Variants in ANAPC10 observed in about 807,000 individuals in gnomAD.
ANAPC10 encodes the protein anaphase-promoting complex subunit 10.
ANAPC10 carries 12 observed loss-of-function variants against 22.0 expected under a neutral mutation model. The observed-to-expected ratio is 0.55, with a 90% CI of 0.35 to 0.88. The LOEUF (loss-of-function observed/expected upper bound fraction) is 0.88, where lower values mean the gene tolerates loss of function less well. Ranked by LOEUF, ANAPC10 falls within the 40% of genes least tolerant of loss-of-function variation. The probability of loss-of-function intolerance (pLI) is 0.01; values close to 1 mark genes in which losing one functional copy is unlikely to be tolerated. For missense variants in ANAPC10, 188 were observed against 220.9 expected (o/e 0.85, Z 0.94); for synonymous variants, 65 against 69.5 (o/e 0.94, Z 0.32).
intron 4 of ANAPC10, among the ~76,000 whole-genome samples, chr4:145,020,117 G>C (rs939003870): frequency 2.0e-5 from 3 of 151,946 alleles, no homozygotes; most frequent in Non-Finnish European, 4.4e-5. Context: ...CCAAAACCAG[G>C]AAAGGACATA....
At chr4:145,006,837 C>G (rs1165101806) in intron 4 of ANAPC10, among the ~76,000 whole-genome samples, 1 of 151,814 alleles carries the variant, frequency 6.6e-6, no homozygotes, top group African/African-American at 2.4e-5. Context: ...TTCAGGTATT[C>G]CTCCCACCTC....
rs116600213 is a variant in ANAPC10, at chr4:145,003,624, C to T, written c.328-8021G>A. 5.3e-5 allele frequency among the ~76,000 whole-genome samples: 8 copies of T among 152,262 alleles called. No homozygotes were observed. In the East Asian group the frequency reaches 5.8e-4, roughly 11 times the overall value. ...TCCTTCCCCCATTGCTTGTTTTTGT[C>T]GACTTCGTTGAAGATCAGATGGTTG... On this transcript the variant is annotated intron_variant, in intron 4 of 4. Coordinates refer to ENST00000507656, the MANE Select transcript of ANAPC10 (RefSeq NM_001256706.2).
At chr4:145,077,185 C>G (rs1745325464) in intron 3 of ANAPC10, among the ~76,000 whole-genome samples, 1 of 151,746 alleles carries the variant, frequency 6.6e-6, no homozygotes, top group African/African-American at 2.4e-5. Flanking sequence ...GGCGACAGAG[C>G]AAGACTCTGT....
At chr4:145,030,588 C>G (rs1428688874) in intron 4 of ANAPC10, among the ~76,000 whole-genome samples, 1 of 152,164 alleles carries the variant, frequency 6.6e-6, no homozygotes, top group East Asian at 1.9e-4. Flanking sequence ...TTAGGTCTGA[C>G]TTACACTGGG....
chr4:145,043,710 C>T (rs576314468), intron 4 of ANAPC10, among the ~76,000 whole-genome samples: 12 of 151,934 alleles, frequency 7.9e-5, no homozygotes, highest in Non-Finnish European at 1.6e-4. Flanking sequence ...ATGTCTTTTA[C>T]AAAAAGAAAA....
intron 4 of ANAPC10, 68 bp from the exon 5 acceptor site, chr4:144,995,671 T>C: frequency 3.0e-6 from 3 of 1,014,560 alleles, no homozygotes; most frequent in Non-Finnish European, 2.9e-6. Context: ...ATGAATGCAT[T>C]CTATAATAAA....
intron 1 of ANAPC10, chr4:145,097,587 C>A (rs1054839629): frequency 2.4e-6 from 3 of 1,264,988 alleles, no homozygotes; most frequent in Non-Finnish European, 3.1e-6. Context: ...ACACAACGGA[C>A]TGTAAACTTT....
At chr4:145,037,070 T>C (rs1738691065) in intron 4 of ANAPC10, among the ~76,000 whole-genome samples, 1 of 149,636 alleles carries the variant, frequency 6.7e-6, no homozygotes, top group Non-Finnish European at 1.5e-5. Context: ...GTGTGTTTTA[T>C]GGACTCTGGA....
At chr4:145,015,264 A>G (rs1185750439) in intron 4 of ANAPC10, among the ~76,000 whole-genome samples, 1 of 152,046 alleles carries the variant, frequency 6.6e-6, no homozygotes, top group Non-Finnish European at 1.5e-5. Context: ...TTCAGGACGC[A>G]TTGGATATAC....
At chr4:145,060,658 A>G (rs1174416897) in intron 4 of ANAPC10, among the ~76,000 whole-genome samples, 1 of 152,058 alleles carries the variant, frequency 6.6e-6, no homozygotes, top group Admixed American at 6.6e-5. Context: ...ACGGAAAAAT[A>G]AAAAAGATTT....
intron 4 of ANAPC10, among the ~76,000 whole-genome samples, chr4:145,019,420 A>G (rs971570444): frequency 6.6e-6 from 1 of 152,148 alleles, no homozygotes. Flanking sequence ...GACAATCTAT[A>G]AAAACCTGTG....
chr4:145,062,422 A>G (rs967701649), intron 4 of ANAPC10, among the ~76,000 whole-genome samples: 2 of 151,928 alleles, frequency 1.3e-5, no homozygotes, highest in African/African-American at 4.8e-5. Flanking sequence ...CCTGGCCAAA[A>G]CAGCGAAACT....
At chr4:145,026,679 G>A (rs1736702764) in intron 4 of ANAPC10, among the ~76,000 whole-genome samples, 1 of 150,268 alleles carries the variant, frequency 6.7e-6, no homozygotes, top group Admixed American at 6.7e-5. Context: ...TAAGAAACAA[G>A]ACAAAATAAG....
chr4:145,018,781 G>A (rs1402548898), intron 4 of ANAPC10, among the ~76,000 whole-genome samples: 1 of 152,072 alleles, frequency 6.6e-6, no homozygotes, highest in Non-Finnish European at 1.5e-5. Flanking sequence ...GACACCAAAA[G>A]TGAGCAGGGG....
At chr4:145,075,864 T>C (rs1388694507) in intron 3 of ANAPC10, among the ~76,000 whole-genome samples, 1 of 152,184 alleles carries the variant, frequency 6.6e-6, no homozygotes, top group East Asian at 1.9e-4. Context: ...CAGGGATGCC[T>C]GTCCCTTAAG....
At chr4:145,087,065 T>C (rs1321484096) in intron 2 of ANAPC10, among the ~76,000 whole-genome samples, 1 of 151,930 alleles carries the variant, frequency 6.6e-6, no homozygotes, top group Non-Finnish European at 1.5e-5. Context: ...CTTGGTCTTC[T>C]GAATGCTCTG....
intron 1 of ANAPC10, 165 bp downstream of exon 1, chr4:145,097,955 G>C (rs1050329927): frequency 5.1e-6 from 1 of 195,924 alleles, no homozygotes; most frequent in African/African-American, 2.4e-5. Flanking sequence ...ACCAGACTCT[G>C]TTGGTCCTAC....
At chr4:145,011,571 T>C (rs527968509) in intron 4 of ANAPC10, among the ~76,000 whole-genome samples, 1 of 152,120 alleles carries the variant, frequency 6.6e-6, no homozygotes, top group South Asian at 2.1e-4. Flanking sequence ...TCTGCACCCA[T>C]TTTAACAACA....
intron 4 of ANAPC10, among the ~76,000 whole-genome samples, chr4:145,007,868 CA>C (rs141363598): frequency 0.72 from 104,672 of 145,320 alleles, 39,132 homozygotes; most frequent in Non-Finnish European, 0.85. Flanking sequence ...AAAAACCCTT[CA>C]AAAAAAAAAA....
Sources: gnomAD v4.1 joint callset for allele counts (sites outside exome capture counted in the v4.1 genomes callset) on GRCh38, gnomAD v4.1.1 for gene constraint, MANE v1.5 for transcripts, NCBI Gene and HGNC (gene_info 2026-07-23, HGNC 2026-07-21) for gene names.